Variants in RPS27 observed in about 807,000 individuals in gnomAD.
The protein encoded by RPS27 is small ribosomal subunit protein eS27.
In RPS27, 1 loss-of-function variant was observed where a neutral mutation model predicts 11.8. The observed-to-expected ratio is 0.08, with a 90% confidence interval of 0.03 to 0.40. RPS27 has a LOEUF of 0.40. RPS27 is among the 10% of genes least tolerant of loss of function. The pLI, the probability that RPS27 is intolerant of heterozygous loss-of-function variation, is 0.98. For synonymous variants in RPS27, 42 were observed against 33.8 expected (o/e 1.24, Z -0.84); for missense variants, 44 against 100.1 (o/e 0.44, Z 2.39).
At chr1:153,991,323 CTTCAGT>C (rs1261931047) in intron 2 of RPS27, 100 bp downstream of exon 2, 1 of 1,529,112 alleles carries the variant, frequency 6.5e-7, no homozygotes, top group Admixed American at 2.3e-5. Context: ...TGTGCAGCAG[CTTCAGT>C]TTCTTCGCCT....
chr1:153,990,954 G>A, intron 1 of RPS27, 152 bp downstream of exon 1: 2 of 1,272,348 alleles, frequency 1.6e-6, no homozygotes, highest in Non-Finnish European at 2.3e-6. Context: ...CGGGCCACCC[G>A]CATAGACGGG....
In RPS27 at chr1:153,990,814, G is replaced by A. The variant is rs1170323661; in HGVS notation, c.6+12G>A. On this transcript the variant is annotated intron_variant, in intron 1 of 3. Coordinates refer to ENST00000651669, the MANE Select transcript of RPS27 (RefSeq NM_001030.6). ...ACGAGAACATGCCTGTGAGTGCTTT[G>A]GTCCAGGTTTCGGCGGAGATCTCGC... 1 of 1,614,196 alleles carries A rather than the reference G, an allele frequency of 6.2e-7. No individual in the cohort carries two copies. The highest frequency in any genetic ancestry group is 1.1e-5 in the South Asian group (1 of 91,082).
intron 3 of RPS27, 29 bp downstream of exon 3, chr1:153,991,705 CTTTGAGTTTGATTT>C (rs1179091749): frequency 7.1e-6 from 10 of 1,398,990 alleles, no homozygotes; most frequent in African/African-American, 1.4e-5. Flanking sequence ...TGATTTGGGG[CTTTGAGTTTGATTT>C]TTAGAAATGG....
At chr1:153,991,997 C>A in intron 3 of RPS27, 68 bp from the exon 4 acceptor site, 1 of 1,450,336 alleles carries the variant, frequency 6.9e-7, no homozygotes, top group Non-Finnish European at 9.7e-7. Context: ...CATGCATCTG[C>A]TTTTTTGGGA....
Position 153,991,133 on chromosome 1 carries a change from C to A in RPS27, c.25C>A (p.His9Asn), listed in dbSNP as rs1649372809. MPLAKDLL[H>N]PSPEEEKRKH... ...CTCTTAGCTCGCAAAGGATCTCCTTCATCCCTCTCCAGAAGAGGAGAAGAG... is the reference window on the plus strand; with the variant it reads ...CTCTTAGCTCGCAAAGGATCTCCTTAATCCCTCTCCAGAAGAGGAGAAGAG... The change falls in exon 2 of 4, where the codon CAT becomes AAT. Residue 9 changes from histidine to asparagine, a missense_variant. Physicochemically the swap from His to Asn is moderately conservative, Grantham distance 68. This residue lies in a region of RPS27 where 21 missense variants were observed against 16.2 expected (regional missense o/e 1.29). Coordinates refer to ENST00000651669, the MANE Select transcript of RPS27 (RefSeq NM_001030.6). 2 of 1,590,068 alleles carry A rather than the reference C, an allele frequency of 1.3e-6. No homozygotes were observed. Among genetic ancestry groups the A allele is most frequent in the South Asian group, 2.2e-5 (2 of 88,926 alleles).
chr1:153,990,810 C>G lies in RPS27; in HGVS notation c.6+8C>G, dbSNP rs1649352154. ...GCACACGAGAACATGCCTGTGAGTG[C>G]TTTGGTCCAGGTTTCGGCGGAGATC... On this transcript the variant is annotated splice_region_variant and intron_variant, in intron 1 of 3. Coordinates refer to ENST00000651669, the MANE Select transcript of RPS27 (RefSeq NM_001030.6). 1 of 1,614,212 alleles carries G rather than the reference C, an allele frequency of 6.2e-7. No homozygotes were observed. Among genetic ancestry groups the G allele is most frequent in the Non-Finnish European group, 8.5e-7 (1 of 1,180,040 alleles).
At chr1:153,991,769 G>T in intron 3 of RPS27, 93 bp downstream of exon 3, 1 of 818,916 alleles carries the variant, frequency 1.2e-6, no homozygotes, top group Non-Finnish European at 2.0e-6. Flanking sequence ...CAGTGACAGG[G>T]ATCATCTATA....
At chr1:153,991,795 CAAG>C in intron 3 of RPS27, 119 bp downstream of exon 3, 1 of 717,636 alleles carries the variant, frequency 1.4e-6, no homozygotes, top group East Asian at 2.6e-5. Context: ...AATTTTTAGA[CAAG>C]AAGTGTTGGA....
chr1:153,991,487 T>A, intron 2 of RPS27, 79 bp from the exon 3 acceptor site: 1 of 1,353,074 alleles, frequency 7.4e-7, no homozygotes, highest in Non-Finnish European at 1.1e-6. Flanking sequence ...GGAAACAATG[T>A]AATGGATGAT....
intron 1 of RPS27, 137 bp from the exon 2 acceptor site, chr1:153,990,978 T>G (rs1649363753): frequency 8.4e-7 from 1 of 1,192,688 alleles, no homozygotes. Flanking sequence ...GGAGAGGAGA[T>G]AAGATGGCGG....
Position 153,992,089 on chromosome 1 carries a change from A to G in RPS27, c.251A>G (p.His84Arg). The G allele has an allele frequency of 6.2e-7, 1 of 1,612,006 alleles. No individual in the cohort carries two copies. The highest frequency in any genetic ancestry group is 8.5e-7 in the Non-Finnish European group (1 of 1,179,076). ...TEGCSFRRKQ[H>R] is the part of the protein sequence containing the mutation. The stretch of plus-strand genomic sequence containing the variant: ...GGATGTTCCTTCAGGAGGAAGCAGC[A>G]CTAAAAGCACTCTGAGTCAAGATGA... Residue 84 changes from histidine to arginine, a missense_variant, in exon 4 of 4, where the codon CAC becomes CGC. By Grantham distance (29) the His-to-Arg change is conservative. Coordinates refer to ENST00000651669, the MANE Select transcript of RPS27 (RefSeq NM_001030.6).
At position 153,991,001 on chromosome 1, in the gene RPS27, G is replaced by A. The variant is rs1204118916; in HGVS notation, c.7-114G>A. 52 of 1,156,502 alleles carry A rather than the reference G, an allele frequency of 4.5e-5. No homozygotes were observed. In the Middle Eastern group the frequency reaches 1.1e-3, roughly 25 times the overall value. The allele number at this position is 1,156,502 out of a possible 1,614,324, so 71.6% of individuals were successfully genotyped here. A position where few individuals can be genotyped will look rare whatever the true frequency, so the allele number is the denominator to read the frequency against. ...GATAAGATGGCGGCCCAGCTGCGCA[G>A]ACACCAGGGGCGGCGAGGGGCGAGC... On this transcript the variant is annotated intron_variant, in intron 1 of 3. Coordinates refer to ENST00000651669, the MANE Select transcript of RPS27 (RefSeq NM_001030.6).
In RPS27 at chr1:153,991,332, C is replaced by T. The variant is rs41265213; in HGVS notation, c.115+109C>T. The T allele has an allele frequency of 0.034, 52,199 of 1,520,826 alleles. 1,087 individuals carry two copies. The highest frequency in any genetic ancestry group is 0.038 in the Non-Finnish European group (42,815 of 1,135,584). The allele number at this position is 1,520,826 out of a possible 1,614,324, so 94.2% of individuals were successfully genotyped here. ...TGAAGCTGTGCAGCAGCTTCAGTTT[C>T]TTCGCCTGTGGAAAATATTTTCCCT... is the stretch of plus-strand genomic sequence containing the variant. On this transcript the variant is annotated intron_variant, in intron 2 of 3. Coordinates refer to ENST00000651669, the MANE Select transcript of RPS27 (RefSeq NM_001030.6).
At chr1:153,991,375 AATGT>A in intron 2 of RPS27, 152 bp downstream of exon 2, 1 of 1,506,882 alleles carries the variant, frequency 6.6e-7, no homozygotes, top group African/African-American at 1.4e-5. Flanking sequence ...TTAAAATTTG[AATGT>A]ATGAGACTGG....
intron 2 of RPS27, 126 bp downstream of exon 2, chr1:153,991,349 A>G (rs956722082): frequency 5.9e-6 from 9 of 1,514,878 alleles, no homozygotes; most frequent in Non-Finnish European, 7.9e-6. Flanking sequence ...TGTGGAAAAT[A>G]TTTTCCCTGA....
intron 1 of RPS27, 126 bp downstream of exon 1, chr1:153,990,928 G>T: frequency 1.4e-6 from 2 of 1,419,274 alleles, no homozygotes; most frequent in Non-Finnish European, 9.9e-7. Flanking sequence ...TTAACTCCAG[G>T]GACCGCAGCG....
intron 2 of RPS27, 39 bp downstream of exon 2, chr1:153,991,262 C>A: frequency 6.4e-7 from 1 of 1,570,584 alleles, no homozygotes; most frequent in Non-Finnish European, 8.7e-7. Context: ...AAGCACTGGA[C>A]CTCAACAGTT....
chr1:153,991,234 G>A lies in RPS27; in HGVS notation c.115+11G>A. ...ATGTGAAATGCCCAGGTGAGGAGAC[G>A]GCTTGCTGTAGTGGGGAAAGCACTG... On this transcript the variant is annotated intron_variant, in intron 2 of 3. Coordinates refer to ENST00000651669, the MANE Select transcript of RPS27 (RefSeq NM_001030.6). 1 of 1,589,072 alleles carries A rather than the reference G, an allele frequency of 6.3e-7. No individual in the cohort carries two copies. Among genetic ancestry groups the A allele is most frequent in the Non-Finnish European group, 8.6e-7 (1 of 1,164,368 alleles).
Position 153,991,198 on chromosome 1 carries a change from C to G in RPS27, c.90C>G (p.Ser30=), listed in dbSNP as rs1649376584. Residue 30 remains serine, a synonymous_variant, in exon 2 of 4, where the codon TCC becomes TCG. Transcript: ENST00000651669. ...AACGCCTGGTGCAGAGCCCCAATTC[C>G]TACTTCATGGATGTGAAATGCCCAG... ...KKKRLVQSPN[S]YFMDVKCPGC... The G allele has an allele frequency of 6.3e-6, 10 of 1,599,166 alleles. No homozygotes were observed. The highest frequency in any genetic ancestry group is 1.3e-5 in the African/African-American group (1 of 74,828).
Sources: allele counts gnomAD v4.1 joint callset, GRCh38; gene constraint gnomAD v4.1.1; regional missense constraint gnomAD v4.1.1; transcripts MANE v1.5; gene names NCBI Gene and HGNC (gene_info 2026-07-23, HGNC 2026-07-21).